IPP: variants seen among roughly 807,000 people sequenced by gnomAD.
The protein encoded by IPP is intracisternal A particle-promoted polypeptide.
A neutral mutation model predicts 64.1 loss-of-function variants in IPP; 41 were observed. The observed-to-expected ratio is 0.64, with a 90% confidence interval of 0.50 to 0.83. The LOEUF (loss-of-function observed/expected upper bound fraction) is 0.83. Ranked by LOEUF, IPP falls within the 40% of genes least tolerant of loss-of-function variation. The pLI is 0.00. For synonymous variants in IPP, 214 were observed against 235.2 expected, an observed-to-expected ratio of 0.91 and a Z score of 0.83; for missense variants, 649 against 703.0, an observed-to-expected ratio of 0.92 and a Z score of 0.87.
At chr1:45,715,070 C>T (rs891379000) in intron 7 of IPP, among the ~76,000 whole-genome samples, 1 of 151,750 alleles carries the variant, frequency 6.6e-6, no homozygotes, top group Non-Finnish European at 1.5e-5. Flanking sequence ...TGGTGTGTGC[C>T]TGCAGTCCCA....
At chr1:45,742,044 A>G (rs957414146) in intron 2 of IPP, among the ~76,000 whole-genome samples, 11 of 152,234 alleles carry the variant, frequency 7.2e-5, no homozygotes, top group Non-Finnish European at 1.3e-4. Context: ...GCCATAAAAA[A>G]GAAGGAAATC....
intron 5 of IPP, among the ~76,000 whole-genome samples, chr1:45,720,128 T>A (rs959464860): frequency 1.3e-5 from 2 of 152,012 alleles, no homozygotes; most frequent in African/African-American, 4.8e-5. Context: ...CAGGCTAGAG[T>A]GCAGTGGCAC....
intron 3 of IPP, among the ~76,000 whole-genome samples, chr1:45,733,345 G>C (rs1235397176): frequency 1.3e-5 from 2 of 151,830 alleles, no homozygotes; most frequent in East Asian, 3.9e-4. Flanking sequence ...AGAATTGCTT[G>C]AACCCAGCAG....
intron 8 of IPP, among the ~76,000 whole-genome samples, chr1:45,706,744 C>T (rs1174781993): frequency 1.3e-5 from 2 of 152,104 alleles, no homozygotes; most frequent in Non-Finnish European, 2.9e-5. Context: ...GCCACTGCAC[C>T]CAGCCTAAAT....
chr1:45,704,282 G>C (rs999060880), intron 8 of IPP, among the ~76,000 whole-genome samples: 3 of 151,214 alleles, frequency 2.0e-5, no homozygotes, highest in Non-Finnish European at 2.9e-5. Context: ...CTGTCACGCA[G>C]GCTGGAGTGC....
At chr1:45,701,533 C>T (rs191860037) in intron 8 of IPP, among the ~76,000 whole-genome samples, 165 of 152,250 alleles carry the variant, frequency 1.1e-3, no homozygotes, top group African/African-American at 3.7e-3. Flanking sequence ...GTGATCCACC[C>T]GCCTTGGCCT....
chr1:45,740,391 A>C (rs959861129), intron 3 of IPP, among the ~76,000 whole-genome samples: 8 of 152,050 alleles, frequency 5.3e-5, no homozygotes, highest in African/African-American at 1.7e-4. Flanking sequence ...ACTTCCCAGT[A>C]GGGGCGGCCG....
At chr1:45,712,239 A>G (rs1027947766) in intron 8 of IPP, among the ~76,000 whole-genome samples, 3 of 149,936 alleles carry the variant, frequency 2.0e-5, no homozygotes, top group Non-Finnish European at 4.4e-5. Context: ...AATCACTTGA[A>G]CCTGGGAGGC....
intron 8 of IPP, among the ~76,000 whole-genome samples, chr1:45,708,686 A>G (rs1407841713): frequency 1.3e-5 from 2 of 149,742 alleles, no homozygotes; most frequent in East Asian, 4.0e-4. Context: ...CTCCAAAAAA[A>G]AAAAAAAAAA....
In IPP at chr1:45,705,062, T is replaced by G. The variant is rs918856267; in HGVS notation, c.1531-4872A>C. On this transcript the variant is annotated intron_variant, in intron 8 of 8. Coordinates refer to ENST00000396478, the MANE Select transcript of IPP (RefSeq NM_005897.3). ...ATGGAGTAGCCCCGCTCTGCAGAAGTAGTTACAGAGCTGTAACACTGCCAC... is the reference window on the plus strand; with the variant it reads ...ATGGAGTAGCCCCGCTCTGCAGAAGGAGTTACAGAGCTGTAACACTGCCAC... Among the ~76,000 whole-genome samples, 6 of 152,364 alleles carry G rather than the reference T, an allele frequency of 3.9e-5. No homozygotes were observed. The East Asian group carries it at 9.6e-4, about 24-fold the overall frequency.
chr1:45,717,072 C>A (rs983971470), intron 6 of IPP, 55 bp from the exon 7 acceptor site: 99 of 1,550,574 alleles, frequency 6.4e-5, no homozygotes, highest in Non-Finnish European at 8.2e-5. Flanking sequence ...TTATTTATGA[C>A]AAAGACCTTA....
At chr1:45,750,521 T>A (rs1033520609) in intron 1 of IPP, 76 bp downstream of exon 1, 9 of 152,072 alleles carry the variant, frequency 5.9e-5, no homozygotes, top group African/African-American at 1.7e-4. Flanking sequence ...TCCTCAGGGG[T>A]CCGGAAAGCC....
intron 5 of IPP, among the ~76,000 whole-genome samples, chr1:45,725,248 C>CGGGA (rs1645803336): frequency 7.8e-6 from 1 of 128,972 alleles, no homozygotes; most frequent in Admixed American, 7.5e-5. Context: ...CCGCCCCGTC[C>CGGGA]GGGAGGTGAG....
chr1:45,697,548 GGC>G (rs1392265580), downstream of IPP, among the ~76,000 whole-genome samples: 1 of 151,982 alleles, frequency 6.6e-6, no homozygotes, highest in Non-Finnish European at 1.5e-5. Context: ...CACGGTGCCC[GGC>G]CTAAACCAAA....
chr1:45,718,701 A>G (rs1002713123), intron 6 of IPP, among the ~76,000 whole-genome samples: 2 of 152,182 alleles, frequency 1.3e-5, no homozygotes, highest in African/African-American at 4.8e-5. Context: ...GGGAAAGAAC[A>G]TCTCCAAAGT....
At chr1:45,740,187 C>T (rs939743412) in intron 3 of IPP, among the ~76,000 whole-genome samples, 9 of 152,296 alleles carry the variant, frequency 5.9e-5, no homozygotes, top group South Asian at 4.1e-4. Context: ...TTTTTCTTAG[C>T]ACAGAACAAA....
Position 45,698,778 on chromosome 1 carries a change from G to T in IPP, c.*1188C>A. 1 of 599,096 alleles carries T rather than the reference G, an allele frequency of 1.7e-6. No homozygotes were observed. Among genetic ancestry groups the T allele is most frequent in the Non-Finnish European group, 2.1e-6 (1 of 479,718 alleles). The allele number at this position is 599,096 out of a possible 1,614,324, so 37.1% of individuals were successfully genotyped here. A position where few individuals can be genotyped will look rare whatever the true frequency, so the allele number is the denominator to read the frequency against. On this transcript the variant is annotated 3_prime_UTR_variant, in exon 9 of 9. Transcript: ENST00000396478. ...CTGTCACCCAGGCCGGTGTGCAGTGGCACAATCTTGGCTCACTGCAGCCTT... is the reference window on the plus strand; with the variant it reads ...CTGTCACCCAGGCCGGTGTGCAGTGTCACAATCTTGGCTCACTGCAGCCTT...
rs1569941114 is a variant in IPP at position 45,701,345 on chromosome 1, T to G, written c.1531-1155A>C. ...TCTTGTTGCCCAGGCTGGAGTGCAATGGTGTGATCTTGGCTCACTGCAACC... is the reference window on the plus strand; with the variant it reads ...TCTTGTTGCCCAGGCTGGAGTGCAAGGGTGTGATCTTGGCTCACTGCAACC... On this transcript the variant is annotated intron_variant, in intron 8 of 8. Transcript: ENST00000396478. 3.3e-5 allele frequency among the ~76,000 whole-genome samples: 5 copies of G among 151,984 alleles called. 1 individual carries two copies. The South Asian group carries it at 1.0e-3, about 32-fold the overall frequency.
At chr1:45,695,315 C>T (rs532697728), downstream of IPP, among the ~76,000 whole-genome samples, 1 of 152,250 alleles carries the variant, frequency 6.6e-6, no homozygotes, top group Admixed American at 6.5e-5. Context: ...CAGTTGTGCA[C>T]CACTATGCCA....
Sources: allele counts gnomAD v4.1 joint callset (sites outside exome capture counted in the v4.1 genomes callset), GRCh38; gene constraint gnomAD v4.1.1; transcripts MANE v1.5; gene names NCBI Gene and HGNC (gene_info 2026-07-23, HGNC 2026-07-21).